GRHL2: variants seen among roughly 807,000 people sequenced by gnomAD.
The protein encoded by GRHL2 is grainyhead-like protein 2 homolog.
A neutral mutation model predicts 83.8 loss-of-function variants in GRHL2; 21 were observed. The observed-to-expected ratio is 0.25, with a 90% confidence interval of 0.18 to 0.36. The LOEUF (loss-of-function observed/expected upper bound fraction) is 0.36. Among genes scored for constraint, GRHL2 ranks in the 10% least tolerant of loss-of-function variants. The pLI, the probability that GRHL2 is intolerant of heterozygous loss-of-function variation, is 1.00. For missense variants in GRHL2, 623 were observed against 781.8 expected, an observed-to-expected ratio of 0.80 and a Z score of 2.42; for synonymous variants, 280 against 278.9, an observed-to-expected ratio of 1.00 and a Z score of -0.04.
intron 1 of GRHL2, chr8:101,542,791 A>G (rs1220045512): frequency 2.2e-6 from 1 of 456,594 alleles, no homozygotes; most frequent in Admixed American, 2.4e-5. Context: ...GGAAAGATGG[A>G]AGGGTAAAGA....
At chr8:101,623,104 G>A (rs1236544306) in intron 9 of GRHL2, among the ~76,000 whole-genome samples, 1 of 152,230 alleles carries the variant, frequency 6.6e-6, no homozygotes, top group Non-Finnish European at 1.5e-5. Context: ...TTTAGCAGTG[G>A]CAGGAGAAAG....
chr8:101,577,428 C>T lies in GRHL2; in HGVS notation c.912C>T (p.Phe304=), dbSNP rs1049964818. The part of the protein sequence containing the change: ...SKVRSVVMVV[F]SEDKNRDEQL... ...TGCAGAGTGTGGTGATGGTGGTCTT[C>T]AGTGAAGACAAAAACAGAGATGAAC... is the stretch of plus-strand genomic sequence containing the variant. The change falls in exon 7 of 16, where the codon TTC becomes TTT. Residue 304 remains phenylalanine (F), a synonymous_variant. Coordinates refer to ENST00000646743, the MANE Select transcript of GRHL2 (RefSeq NM_024915.4). 2 of 1,613,028 alleles carry T rather than the reference C, an allele frequency of 1.2e-6. No individual in the cohort carries two copies. The highest frequency in any genetic ancestry group is 1.7e-6 in the Non-Finnish European group (2 of 1,179,176).
the GRHL2 span, among the ~76,000 whole-genome samples, chr8:101,678,841 C>G: frequency 6.7e-6 from 1 of 149,436 alleles, no homozygotes; most frequent in African/African-American, 2.5e-5. Flanking sequence ...GCAGGGTATT[C>G]CAACAGACCT....
In GRHL2 at chr8:101,666,639, A is replaced by C. The variant is rs1814065642; in HGVS notation, c.1814A>C (p.Asp605Ala). 1 of 1,613,634 alleles carries C rather than the reference A, an allele frequency of 6.2e-7. No homozygotes were observed. ...DNIIEHYSNE[D>A]TFILNMESMV... is the part of the protein sequence containing the mutation. ...ATCATCGAGCACTACTCGAACGAGG[A>C]CACCTTCATCCTCAACATGGAGAGC... Residue 605 changes from aspartate to alanine, a missense_variant, in exon 16 of 16, where the codon GAC (aspartate) becomes GCC (alanine). By Grantham distance (126) the Asp-to-Ala change is moderately radical. Around this residue, in one of 8 missense-constraint regions of GRHL2, gnomAD observed 210 missense variants for 254.8 expected, o/e 0.82. Transcript: ENST00000646743.
At chr8:101,608,590 C>G (rs1415100344) in intron 8 of GRHL2, among the ~76,000 whole-genome samples, 1 of 142,878 alleles carries the variant, frequency 7.0e-6, no homozygotes, top group Non-Finnish European at 1.5e-5. Context: ...AGAGAGGCAG[C>G]TCCATTTTTT....
At chr8:101,608,998 G>A (rs990529548) in intron 8 of GRHL2, among the ~76,000 whole-genome samples, 1 of 150,534 alleles carries the variant, frequency 6.6e-6, no homozygotes, top group Non-Finnish European at 1.5e-5. Context: ...CCACTCAGGA[G>A]AGTGTGACAC....
chr8:101,541,024 G>A (rs1259593848), intron 1 of GRHL2, among the ~76,000 whole-genome samples: 1 of 152,116 alleles, frequency 6.6e-6, no homozygotes, highest in Non-Finnish European at 1.5e-5. Context: ...AGAACATGTA[G>A]TATTTGTTTT....
intron 6 of GRHL2, among the ~76,000 whole-genome samples, chr8:101,576,662 G>A (rs999311055): frequency 6.6e-6 from 1 of 152,118 alleles, no homozygotes; most frequent in Non-Finnish European, 1.5e-5. Context: ...GAAGAGGGTT[G>A]TTTTTGGTAC....
At chr8:101,520,116 A>G (rs1810653431) in intron 1 of GRHL2, among the ~76,000 whole-genome samples, 1 of 152,176 alleles carries the variant, frequency 6.6e-6, no homozygotes, top group Non-Finnish European at 1.5e-5. Flanking sequence ...CATATTTTGT[A>G]TGGATTTTAT....
At chr8:101,533,941 A>G (rs1810989773) in intron 1 of GRHL2, among the ~76,000 whole-genome samples, 1 of 152,190 alleles carries the variant, frequency 6.6e-6, no homozygotes, top group Non-Finnish European at 1.5e-5. Context: ...CATTGTAACA[A>G]CCATCACTTC....
chr8:101,665,533 G>A (rs778461330), intron 15 of GRHL2, among the ~76,000 whole-genome samples: 5 of 152,144 alleles, frequency 3.3e-5, no homozygotes, highest in African/African-American at 7.2e-5. Context: ...ACTTCTTGCC[G>A]AGGTCAATGT....
chr8:101,625,692 G>A (rs1287960377), intron 9 of GRHL2, among the ~76,000 whole-genome samples: 3 of 152,040 alleles, frequency 2.0e-5, no homozygotes, highest in African/African-American at 7.2e-5. Context: ...GAAGGACTAT[G>A]TCAACAAATA....
rs145834202 is a variant in GRHL2, at chr8:101,618,426, A to G, written c.1099-1113A>G. On this transcript the variant is annotated intron_variant, in intron 8 of 15. Transcript: ENST00000646743. ...GGTGAGGATGTTGATGCCTTCACTAATTCACTATATTTTCTCTCCTGTTTC... is the reference window on the plus strand; with the variant it reads ...GGTGAGGATGTTGATGCCTTCACTAGTTCACTATATTTTCTCTCCTGTTTC... 4.0e-4 allele frequency among the ~76,000 whole-genome samples: 61 copies of G among 152,282 alleles called. No homozygotes were observed. The East Asian group carries it at 0.011, about 27-fold the overall frequency.
At chr8:101,511,670 T>TC (rs1415718313) in intron 1 of GRHL2, among the ~76,000 whole-genome samples, 1 of 152,038 alleles carries the variant, frequency 6.6e-6, no homozygotes, top group Non-Finnish European at 1.5e-5. Flanking sequence ...TTAGTTTTTT[T>TC]TTTTTTAAAT....
Position 101,669,066 on chromosome 8 carries a change from C to A in GRHL2, c.*2363C>A, listed in dbSNP as rs911559128. 2.6e-5 allele frequency: 4 copies of A among 152,190 alleles called. No individual in the cohort carries two copies. The highest frequency in any genetic ancestry group is 2.6e-4 in the Admixed American group (4 of 15,280). The allele number at this position is 152,190 out of a possible 1,614,324, so 9.4% of individuals were successfully genotyped here. Reference sequence around the variant, plus strand: ...CATTCCCCTCTGCATCCTCGGAGCACCCCAGTTTGCCTTTGATGTGTCCGC... The same window carrying A: ...CATTCCCCTCTGCATCCTCGGAGCAACCCAGTTTGCCTTTGATGTGTCCGC... On this transcript the variant is annotated 3_prime_UTR_variant, in exon 16 of 16. Transcript: ENST00000646743.
intron 1 of GRHL2, among the ~76,000 whole-genome samples, chr8:101,503,906 C>G (rs973001343): frequency 2.0e-5 from 3 of 151,994 alleles, no homozygotes; most frequent in Admixed American, 6.5e-5. Flanking sequence ...AATAAAGGTA[C>G]TTTTTTGTCT....
At chr8:101,509,209 T>TTGTGTGTGTGTGTGTGTG (rs59898617) in intron 1 of GRHL2, among the ~76,000 whole-genome samples, 10 of 53,790 alleles carry the variant, frequency 1.9e-4, no homozygotes, top group African/African-American at 4.0e-4. Context: ...TTCTTTCTTC[T>TTGTGTGTGTGTGTGTGTG]TGTGTGTGTG....
rs115675622 is a variant in GRHL2 at position 101,630,578 on chromosome 8, C to T, written c.1258-1059C>T. ...GTATGTGATGATTTGGGGACAATTT[C>T]GGAAGGGTGAAAGGTTGCTGGCCAT... is the stretch of plus-strand genomic sequence containing the variant. On this transcript the variant is annotated intron_variant, in intron 9 of 15. Transcript: ENST00000646743. 4.3e-3 allele frequency among the ~76,000 whole-genome samples: 648 copies of T among 152,228 alleles called. 5 individuals carry two copies. Among genetic ancestry groups the T allele is most frequent in the African/African-American group, 0.015 (603 of 41,542 alleles).
chr8:101,499,782 T>C (rs538007476), intron 1 of GRHL2, among the ~76,000 whole-genome samples: 1 of 152,216 alleles, frequency 6.6e-6, no homozygotes, highest in South Asian at 2.1e-4. Context: ...TGTTCAATTA[T>C]AAAAACTAGG....
Sources: gnomAD v4.1 joint callset for allele counts (sites outside exome capture counted in the v4.1 genomes callset) on GRCh38, gnomAD v4.1.1 for gene constraint, gnomAD v4.1.1 regional missense constraint, MANE v1.5 for transcripts, NCBI Gene and HGNC (gene_info 2026-07-23, HGNC 2026-07-21) for gene names.